ASB1: variants seen among roughly 807,000 people sequenced by gnomAD.
ASB1 encodes the protein ankyrin repeat and SOCS box protein 1.
A neutral mutation model predicts 27.7 loss-of-function variants in ASB1; 18 were observed. The observed-to-expected ratio is 0.65, with a 90% CI of 0.45 to 0.96. The LOEUF (loss-of-function observed/expected upper bound fraction) is 0.96, where lower values mean the gene tolerates loss of function less well. Ranked by LOEUF, ASB1 falls within the 50% of genes least tolerant of loss-of-function variation. ASB1 has a pLI of 0.00. For missense variants in ASB1, 397 were observed against 451.7 expected (o/e 0.88, Z 1.10); for synonymous variants, 189 against 187.6 (o/e 1.01, Z -0.06).
rs980382163 is a variant in ASB1 at position 238,451,193 on chromosome 2, G to A, written c.*4682G>A. ...TGCAGATTTTGAAGTGTACAGTGAT[G>A]TGTGGAATAAATACTAGAAATTCTC... On this transcript the variant is annotated 3_prime_UTR_variant, in exon 5 of 5. Coordinates refer to ENST00000264607, the MANE Select transcript of ASB1 (RefSeq NM_001040445.3). 6 of 152,284 alleles carry A rather than the reference G, an allele frequency of 3.9e-5. No individual in the cohort carries two copies. The highest frequency in any genetic ancestry group is 2.6e-4 in the Admixed American group (4 of 15,286). The allele number at this position is 152,284 out of a possible 1,614,324, so 9.4% of individuals were successfully genotyped here.
chr2:238,429,895 G>A (rs988403208), intron 1 of ASB1, among the ~76,000 whole-genome samples: 19 of 147,760 alleles, frequency 1.3e-4, no homozygotes, highest in African/African-American at 4.3e-4. Flanking sequence ...CCGAGATCAC[G>A]CCACTGCACT....
intron 3 of ASB1, among the ~76,000 whole-genome samples, chr2:238,441,649 C>T (rs1382683398): frequency 1.3e-5 from 2 of 152,208 alleles, no homozygotes; most frequent in African/African-American, 2.4e-5. Flanking sequence ...CAGTGTACAG[C>T]GACCCCCTCA....
intron 1 of ASB1, among the ~76,000 whole-genome samples, chr2:238,432,166 C>A (rs1469199441): frequency 6.6e-6 from 1 of 152,160 alleles, no homozygotes; most frequent in Non-Finnish European, 1.5e-5. Flanking sequence ...GATGAGTGTT[C>A]TGTTACCTAG....
intron 1 of ASB1, chr2:238,433,298 C>A (rs1701904915): frequency 2.7e-6 from 1 of 373,636 alleles, no homozygotes; most frequent in Non-Finnish European, 5.0e-6. Context: ...TGATTTATTT[C>A]TTTTGTTTTT....
At chr2:238,431,017 G>A (rs1383018171) in intron 1 of ASB1, among the ~76,000 whole-genome samples, 2 of 152,242 alleles carry the variant, frequency 1.3e-5, no homozygotes, top group East Asian at 3.8e-4. Context: ...CACCAGCTGC[G>A]TTAGCCCCTA....
rs1014662234 is a variant in ASB1, at chr2:238,450,286, A to C, written c.*3775A>C. ...TGAGGCGTATGAGAACAGCATGGTA[A>C]ATAATTGATGAAGTCACATTTGTTC... is the stretch of plus-strand genomic sequence containing the variant. On this transcript the variant is annotated 3_prime_UTR_variant, in exon 5 of 5. Transcript: ENST00000264607. The C allele has an allele frequency of 6.6e-6, 1 of 152,230 alleles. No homozygotes were observed. Among genetic ancestry groups the C allele is most frequent in the Admixed American group, 6.5e-5 (1 of 15,286 alleles). The allele number at this position is 152,230 out of a possible 1,614,324, so 9.4% of individuals were successfully genotyped here.
At chr2:238,439,739 A>C (rs1038253913) in intron 3 of ASB1, among the ~76,000 whole-genome samples, 2 of 152,108 alleles carry the variant, frequency 1.3e-5, no homozygotes, top group Admixed American at 6.5e-5. Context: ...TTGTGTTCGC[A>C]TTCCCCTCTT....
intron 3 of ASB1, among the ~76,000 whole-genome samples, chr2:238,441,736 G>A (rs576547359): frequency 1.3e-5 from 2 of 152,248 alleles, no homozygotes; most frequent in African/African-American, 2.4e-5. Flanking sequence ...TAGTGGACAC[G>A]TGGGTGGTTT....
Position 238,450,918 on chromosome 2 carries a change from G to C in ASB1, c.*4407G>C, listed in dbSNP as rs536445274. On this transcript the variant is annotated 3_prime_UTR_variant, in exon 5 of 5. Transcript: ENST00000264607. ...GCCTCCCGGGGCCTGGATCCCTACC[G>C]GCTGGGATTGGCCTCCTGGAAGTAC... 1.3e-5 allele frequency: 2 copies of C among 152,190 alleles called. No individual in the cohort carries two copies. The highest frequency in any genetic ancestry group is 2.4e-5 in the African/African-American group (1 of 41,424). 9.4% of individuals were successfully genotyped at this position (152,190 alleles called of 1,614,324 possible).
At chr2:238,437,746 G>T (rs909859272) in intron 3 of ASB1, among the ~76,000 whole-genome samples, 3 of 152,130 alleles carry the variant, frequency 2.0e-5, no homozygotes, top group African/African-American at 7.2e-5. Flanking sequence ...ATTAGGTAAG[G>T]GTTCTGTTGT....
intron 3 of ASB1, among the ~76,000 whole-genome samples, chr2:238,443,113 G>A (rs1026234796): frequency 2.6e-5 from 4 of 152,134 alleles, no homozygotes; most frequent in African/African-American, 9.6e-5. Context: ...TTCTAGTAAT[G>A]ACATTTTCAT....
chr2:238,444,640 CT>C lies in ASB1; in HGVS notation c.794del (p.Leu265GlnfsTer2). 1 of 1,614,140 alleles carries C rather than the reference CT, an allele frequency of 6.2e-7. No homozygotes were observed. Among genetic ancestry groups the C allele is most frequent in the Admixed American group, 1.7e-5 (1 of 60,024 alleles). ...LLVEFGANLN[L>X]VKWESLGPES... ...GGTAGAATTTGGAGCCAACCTGAAT[CT>C]AGTGAAGTGGGAATCGCTGGGCCCA... On this transcript the variant is annotated frameshift_variant, in exon 4 of 5. Coordinates refer to ENST00000264607, the MANE Select transcript of ASB1 (RefSeq NM_001040445.3). LOFTEE classifies it high-confidence loss of function.
intron 1 of ASB1, among the ~76,000 whole-genome samples, chr2:238,429,169 A>C (rs1701819726): frequency 6.6e-6 from 1 of 152,140 alleles, no homozygotes; most frequent in South Asian, 2.1e-4. Flanking sequence ...TAGTACTGAA[A>C]AGAGATTAAT....
rs1262999889 is a variant in ASB1, at chr2:238,450,133, C to T, written c.*3622C>T. On this transcript the variant is annotated 3_prime_UTR_variant, in exon 5 of 5. Transcript: ENST00000264607. ...CTTGTCCCTCTTCTTAGTGGAAATGCATTTGAGATGGTGACAGGGCTGGAT... is the reference window on the plus strand; with the variant it reads ...CTTGTCCCTCTTCTTAGTGGAAATGTATTTGAGATGGTGACAGGGCTGGAT... 1 of 152,338 alleles carries T rather than the reference C, an allele frequency of 6.6e-6. No homozygotes were observed. Among genetic ancestry groups the T allele is most frequent in the Non-Finnish European group, 1.5e-5 (1 of 68,150 alleles). 9.4% of individuals were successfully genotyped at this position (152,338 alleles called of 1,614,324 possible).
intron 3 of ASB1, among the ~76,000 whole-genome samples, chr2:238,439,409 T>C (rs995012089): frequency 1.3e-5 from 2 of 152,162 alleles, no homozygotes; most frequent in African/African-American, 4.8e-5. Context: ...GGAGCGTTTC[T>C]CTGGACACTC....
rs1702244980 is a variant in ASB1 at position 238,449,612 on chromosome 2, C to A, written c.*3101C>A. 6.6e-6 allele frequency: 1 copy of A among 152,212 alleles called. No homozygotes were observed. Among genetic ancestry groups the A allele is most frequent in the Non-Finnish European group, 1.5e-5 (1 of 68,072 alleles). 9.4% of individuals were successfully genotyped at this position (152,212 alleles called of 1,614,324 possible). A position where few individuals can be genotyped will look rare whatever the true frequency, so the allele number is the denominator to read the frequency against. On this transcript the variant is annotated 3_prime_UTR_variant, in exon 5 of 5. Transcript: ENST00000264607. ...TTTTAGATAAACCCATCAATATCAC[C>A]CACATTCTGTGACTCTTTGCATCAC...
rs568454773 is a variant in ASB1 at position 238,450,066 on chromosome 2, C to A, written c.*3555C>A. ...GGGTCACATGGGAAGCAATGTGTTA[C>A]GCAAGCAGTCTCCATGTGTGTGTAA... On this transcript the variant is annotated 3_prime_UTR_variant, in exon 5 of 5. Transcript: ENST00000264607. 1 of 152,254 alleles carries A rather than the reference C, an allele frequency of 6.6e-6. No homozygotes were observed. Among genetic ancestry groups the A allele is most frequent in the Non-Finnish European group, 1.5e-5 (1 of 68,058 alleles). 9.4% of individuals were successfully genotyped at this position (152,254 alleles called of 1,614,324 possible). A position where few individuals can be genotyped will look rare whatever the true frequency, so the allele number is the denominator to read the frequency against.
At chr2:238,438,855 A>G (rs563912357) in intron 3 of ASB1, among the ~76,000 whole-genome samples, 1 of 152,184 alleles carries the variant, frequency 6.6e-6, no homozygotes, top group South Asian at 2.1e-4. Flanking sequence ...ACAGAGTGGT[A>G]TTTCTGTATG....
intron 3 of ASB1, 29 bp downstream of exon 3, chr2:238,436,042 T>A (rs1250395158): frequency 3.9e-6 from 6 of 1,531,188 alleles, no homozygotes; most frequent in Non-Finnish European, 4.4e-6. Flanking sequence ...GCCTGGCTCC[T>A]GCAGCCACTT....
Sources: allele counts gnomAD v4.1 joint callset (sites outside exome capture counted in the v4.1 genomes callset), GRCh38; gene constraint gnomAD v4.1.1; transcripts MANE v1.5; gene names NCBI Gene and HGNC (gene_info 2026-07-23, HGNC 2026-07-21).